Variants in NSD2 observed in about 807,000 individuals in gnomAD.
The protein encoded by NSD2 is nuclear receptor binding SET domain protein 2.
In NSD2, 12 loss-of-function variants were observed where a neutral mutation model predicts 139.0. That is an observed-to-expected ratio of 0.09 (90% CI 0.06 to 0.14). NSD2 has a LOEUF of 0.14. Among genes scored for constraint, NSD2 ranks in the 10% least tolerant of loss-of-function variants. NSD2 has a pLI of 1.00. For missense variants in NSD2, 1,155 were observed against 1,745.0 expected, an observed-to-expected ratio of 0.66 and a Z score of 6.02; for synonymous variants, 669 against 648.7, an observed-to-expected ratio of 1.03 and a Z score of -0.48.
chr4:1,914,177 C>G (rs919426824), intron 3 of NSD2, among the ~76,000 whole-genome samples: 1 of 151,788 alleles, frequency 6.6e-6, no homozygotes, highest in South Asian at 2.1e-4. Context: ...TGTGTGCCAC[C>G]GTGCCCAGCT....
rs1413261545 is a variant in NSD2, at chr4:1,872,633, AGAGCGC to A, written c.-30+1093_-30+1098del. ...GAGAGAGAGAGAGAGAGAGAGAGAG[AGAGCGC>A]GCAGACCCTGTGAAGACAAGACTAA... On this transcript the variant is annotated intron_variant, in intron 1 of 21. Coordinates refer to ENST00000508803, the MANE Select transcript of NSD2 (RefSeq NM_001042424.3). Among the ~76,000 whole-genome samples the A allele has an allele frequency of 4.6e-5, 6 of 131,036 alleles. No individual in the cohort carries two copies. The East Asian group carries it at 6.6e-4, about 15-fold the overall frequency. 86.0% of individuals were successfully genotyped at this position (131,036 alleles called of 152,430 possible).
chr4:1,914,738 C>T (rs1006820123), intron 3 of NSD2, among the ~76,000 whole-genome samples: 1 of 152,218 alleles, frequency 6.6e-6, no homozygotes, highest in Non-Finnish European at 1.5e-5. Context: ...CCATTTCCTT[C>T]TAGCATCCAG....
intron 9 of NSD2, among the ~76,000 whole-genome samples, chr4:1,950,151 A>G (rs1399977715): frequency 6.6e-6 from 1 of 152,240 alleles, no homozygotes; most frequent in Non-Finnish European, 1.5e-5. Context: ...TTGACAGACA[A>G]GAAGATTCTC....
chr4:1,903,766 G>T (rs1201146559), intron 2 of NSD2, among the ~76,000 whole-genome samples: 1 of 140,776 alleles, frequency 7.1e-6, no homozygotes, highest in African/African-American at 2.7e-5. Flanking sequence ...ATGGAGTCTC[G>T]CCCTGTCGCC....
intron 9 of NSD2, chr4:1,947,114 C>A: frequency 9.4e-7 from 1 of 1,065,200 alleles, no homozygotes; most frequent in Non-Finnish European, 1.1e-6. Context: ...GTCCTCAAGT[C>A]CTTCGCAGAC....
At chr4:1,881,685 C>G in intron 1 of NSD2, among the ~76,000 whole-genome samples, 1 of 152,234 alleles carries the variant, frequency 6.6e-6, no homozygotes, top group East Asian at 1.9e-4. Context: ...GTATGAGCCA[C>G]CCCTCTGAGC....
chr4:1,883,940 C>T (rs1042709274), intron 1 of NSD2, among the ~76,000 whole-genome samples: 5 of 152,182 alleles, frequency 3.3e-5, no homozygotes, highest in African/African-American at 1.2e-4. Flanking sequence ...TGAACTGTCA[C>T]GAGAGCATGG....
chr4:1,881,920 A>G (rs78264453), intron 1 of NSD2, among the ~76,000 whole-genome samples: 11,157 of 152,240 alleles, frequency 0.073, 469 homozygotes, highest in Admixed American at 0.11. Flanking sequence ...GATGGAGGGA[A>G]GAGCCTGTGC....
At position 1,912,326 on chromosome 4, in the gene NSD2, C is replaced by G. The variant is rs1718788866; in HGVS notation, c.761-4545C>G. 1.2e-5 allele frequency: 2 copies of G among 162,214 alleles called. 1 individual carries two copies. Among genetic ancestry groups the G allele is most frequent in the South Asian group, 3.1e-4 (2 of 6,536 alleles). The allele number at this position is 162,214 out of a possible 1,614,324, so 10.0% of individuals were successfully genotyped here. On this transcript the variant is annotated intron_variant, in intron 3 of 21. Coordinates refer to ENST00000508803, the MANE Select transcript of NSD2 (RefSeq NM_001042424.3). ...CTTCAGCCATTTTCTATTTCTTTCC[C>G]CCCATTCTCCCCATATAATTAAGTC...
intron 6 of NSD2, among the ~76,000 whole-genome samples, chr4:1,932,824 G>C (rs1311587763): frequency 6.6e-6 from 1 of 152,202 alleles, no homozygotes; most frequent in Non-Finnish European, 1.5e-5. Context: ...GCCTCATCCT[G>C]GATGAATGGA....
chr4:1,941,572 C>T, intron 9 of NSD2: 2 of 1,039,350 alleles, frequency 1.9e-6, no homozygotes, highest in Non-Finnish European at 2.3e-6. Context: ...TTCAGAATGT[C>T]AGAAGTTGAT....
chr4:1,941,807 C>T, intron 9 of NSD2: 1 of 1,051,362 alleles, frequency 9.5e-7, no homozygotes, highest in Non-Finnish European at 1.1e-6. Context: ...TTTAGGTGAA[C>T]AAATAAACTT....
At chr4:1,943,647 C>T in intron 9 of NSD2, 1 of 1,048,056 alleles carries the variant, frequency 9.5e-7, no homozygotes. Context: ...GATACATAGC[C>T]CCAAAGATGG....
At chr4:1,905,487 C>T (rs1717771113) in intron 3 of NSD2, among the ~76,000 whole-genome samples, 3 of 152,248 alleles carry the variant, frequency 2.0e-5, no homozygotes, top group East Asian at 1.9e-4. Flanking sequence ...TGGCTGGAGG[C>T]CTGAGCTCCT....
chr4:1,950,038 G>A (rs1724048359), intron 9 of NSD2, among the ~76,000 whole-genome samples: 1 of 152,162 alleles, frequency 6.6e-6, no homozygotes, highest in Non-Finnish European at 1.5e-5. Context: ...GAGGTGTACA[G>A]GAAATGTAGT....
intron 9 of NSD2, chr4:1,945,398 G>T: frequency 1.9e-6 from 2 of 1,064,070 alleles, no homozygotes; most frequent in Non-Finnish European, 2.3e-6. Flanking sequence ...TGGTGTGTGT[G>T]TCCAGAGGTG....
chr4:1,901,158 C>T lies in NSD2; in HGVS notation c.504C>T (p.Asn168=). 1 of 1,614,172 alleles carries T rather than the reference C, an allele frequency of 6.2e-7. No individual in the cohort carries two copies. Among genetic ancestry groups the T allele is most frequent in the Non-Finnish European group, 8.5e-7 (1 of 1,180,008 alleles). ...GQKPENKARR[N]RKRSIKYDSL... ...AACCAGAAAACAAGGCGAGAAGGAA[C>T]AGGAAGAGGAGCATAAAATATGACT... is the stretch of plus-strand genomic sequence containing the variant. Residue 168 remains asparagine, a synonymous_variant, in exon 2 of 22, where the codon AAC becomes AAT. Coordinates refer to ENST00000508803, the MANE Select transcript of NSD2 (RefSeq NM_001042424.3).
chr4:1,878,962 G>A (rs1326114211), intron 1 of NSD2, among the ~76,000 whole-genome samples: 2 of 152,142 alleles, frequency 1.3e-5, no homozygotes, highest in African/African-American at 4.8e-5. Flanking sequence ...AGATTGGGTA[G>A]TTGCTGGTAC....
chr4:1,970,893 G>A (rs917357276), intron 18 of NSD2, among the ~76,000 whole-genome samples: 3 of 152,230 alleles, frequency 2.0e-5, no homozygotes, highest in Non-Finnish European at 2.9e-5. Flanking sequence ...CACAGTGAAA[G>A]GCTGAAAGCC....
Sources: allele counts gnomAD v4.1 joint callset (sites outside exome capture counted in the v4.1 genomes callset), GRCh38; gene constraint gnomAD v4.1.1; transcripts MANE v1.5; gene names NCBI Gene and HGNC (gene_info 2026-07-23, HGNC 2026-07-21).